KIRREL3: variants seen among roughly 807,000 people sequenced by gnomAD.
The protein encoded by KIRREL3 is kin of IRRE-like protein 3.
Under a neutral mutation model 89.7 loss-of-function variants are expected in KIRREL3, and 36 were observed. The ratio of observed to expected loss-of-function variants is 0.40; its 90% CI spans 0.31 to 0.53. KIRREL3 has a LOEUF of 0.53. Ranked by LOEUF, KIRREL3 falls within the 20% of genes least tolerant of loss-of-function variation. The pLI is 0.49. For synonymous variants in KIRREL3, 445 were observed against 441.4 expected, an observed-to-expected ratio of 1.01 and a Z score of -0.10; for missense variants, 864 against 1,056.6, an observed-to-expected ratio of 0.82 and a Z score of 2.53.
chr11:126,730,004 G>A (rs1044050651), intron 1 of KIRREL3, among the ~76,000 whole-genome samples: 1 of 152,024 alleles, frequency 6.6e-6, no homozygotes, highest in Non-Finnish European at 1.5e-5. Flanking sequence ...TTATTTCTGG[G>A]ACACCCTCCT....
At chr11:126,572,771 GGCT>G (rs1212561189) in intron 1 of KIRREL3, among the ~76,000 whole-genome samples, 1 of 152,158 alleles carries the variant, frequency 6.6e-6, no homozygotes, top group African/African-American at 2.4e-5. Flanking sequence ...GCAGGGGCGG[GGCT>G]GCTATTTAGT....
chr11:126,769,138 C>T lies in KIRREL3; in HGVS notation c.56-206226G>A, dbSNP rs1005439657. On this transcript the variant is annotated intron_variant, in intron 1 of 16. Coordinates refer to ENST00000525144, the MANE Select transcript of KIRREL3 (RefSeq NM_032531.4). This position sits in a 1 kb window ranked among gnomAD's most constrained non-coding sequence, Gnocchi z 4.3. Reference sequence around the variant, plus strand: ...GTATCTCTTCCTCTGTGAGGCTTCCCCTCTTCCCACAGGTCCCATCTCTGC... The same window carrying T: ...GTATCTCTTCCTCTGTGAGGCTTCCTCTCTTCCCACAGGTCCCATCTCTGC... Among the ~76,000 whole-genome samples the T allele has an allele frequency of 1.2e-4, 18 of 152,150 alleles. No individual in the cohort carries two copies. Among genetic ancestry groups the T allele is most frequent in the Non-Finnish European group, 2.2e-4 (15 of 68,016 alleles).
rs1306661020 is a variant in KIRREL3 at position 126,663,166 on chromosome 11, T to C, written c.56-100254A>G. Among the ~76,000 whole-genome samples the C allele has an allele frequency of 2.7e-5, 4 of 149,830 alleles. No homozygotes were observed. In the South Asian group the frequency reaches 6.4e-4, roughly 24 times the overall value. ...GCAGGAGAGGGATGTGGGGGAGGTT[T>C]TGATATCATGTCTGGCTTTTTTTTT... On this transcript the variant is annotated intron_variant, in intron 1 of 16. Transcript: ENST00000525144.
At chr11:126,456,516 C>A in intron 6 of KIRREL3, 62 bp from the exon 7 acceptor site, 1 of 1,122,620 alleles carries the variant, frequency 8.9e-7, no homozygotes, top group Non-Finnish European at 1.3e-6. Flanking sequence ...AGATCCTGGG[C>A]GACATGGAGG....
At chr11:127,001,223 C>G (rs967806438), upstream of KIRREL3, 1 of 141,258 alleles carries the variant, frequency 7.1e-6, no homozygotes. Context: ...AGGACTTGGC[C>G]AATGTGTGCA....
chr11:126,952,614 G>A (rs1022714338), intron 1 of KIRREL3, among the ~76,000 whole-genome samples: 1 of 152,186 alleles, frequency 6.6e-6, no homozygotes, highest in African/African-American at 2.4e-5. Context: ...TGTTGCCATT[G>A]CTTTTGGTGT....
rs117281159 is a variant in KIRREL3, at chr11:126,750,275, C to A, written c.56-187363G>T. On this transcript the variant is annotated intron_variant, in intron 1 of 16. Transcript: ENST00000525144. This position sits in a 1 kb window ranked among gnomAD's most constrained non-coding sequence, Gnocchi z 4.2. ...GACTTCTACTATGGTACTTCCTTCT[C>A]CGTAGCCACCCCATTGAACACATTT... Among the ~76,000 whole-genome samples, 494 of 152,276 alleles carry A rather than the reference C, an allele frequency of 3.2e-3. 8 individuals are homozygous for A. The highest frequency in any genetic ancestry group is 0.021 in the Admixed American group (314 of 15,284).
Position 126,664,169 on chromosome 11 carries a change from C to T in KIRREL3, c.56-101257G>A, listed in dbSNP as rs554461139. 1.4e-4 allele frequency among the ~76,000 whole-genome samples: 22 copies of T among 152,274 alleles called. No homozygotes were observed. In the South Asian group the frequency reaches 4.6e-3, roughly 32 times the overall value. ...GTTGAATGGGAATATCCATAATGCA[C>T]CTCCTATCCTCTATTACCATTCTGA... is the stretch of plus-strand genomic sequence containing the variant. On this transcript the variant is annotated intron_variant, in intron 1 of 16. Coordinates refer to ENST00000525144, the MANE Select transcript of KIRREL3 (RefSeq NM_032531.4). This position sits in a 1 kb window ranked among gnomAD's most constrained non-coding sequence, Gnocchi z 5.4.
chr11:126,715,828 C>T lies in KIRREL3; in HGVS notation c.56-152916G>A, dbSNP rs1947934762. 2.0e-5 allele frequency among the ~76,000 whole-genome samples: 3 copies of T among 152,158 alleles called. No homozygotes were observed. In the South Asian group the frequency reaches 6.2e-4, roughly 32 times the overall value. Reference sequence around the variant, plus strand: ...CACGGTTGCAGAGAGGCCAGTGTTCCACCGTCAAGAGCGCAGAAAAGCCCT... The same window carrying T: ...CACGGTTGCAGAGAGGCCAGTGTTCTACCGTCAAGAGCGCAGAAAAGCCCT... On this transcript the variant is annotated intron_variant, in intron 1 of 16. Coordinates refer to ENST00000525144, the MANE Select transcript of KIRREL3 (RefSeq NM_032531.4). This position sits in a 1 kb window ranked among gnomAD's most constrained non-coding sequence, Gnocchi z 4.4.
In KIRREL3 at chr11:126,912,320, C is replaced by T. The variant is rs1198049667; in HGVS notation, c.55+88135G>A. On this transcript the variant is annotated intron_variant, in intron 1 of 16. Transcript: ENST00000525144. This position sits in a 1 kb window ranked among gnomAD's most constrained non-coding sequence, Gnocchi z 4.7. ...CCTGCAGGTGCTGCCCACATGTGCCCTGGGCTGGTCCTCCCTCAGCTCCCT... is the reference window on the plus strand; with the variant it reads ...CCTGCAGGTGCTGCCCACATGTGCCTTGGGCTGGTCCTCCCTCAGCTCCCT... Among the ~76,000 whole-genome samples, 1 of 152,182 alleles carries T rather than the reference C, an allele frequency of 6.6e-6. No homozygotes were observed. Among genetic ancestry groups the T allele is most frequent in the African/African-American group, 2.4e-5 (1 of 41,444 alleles).
At chr11:126,445,318 A>G (rs3802821) in intron 9 of KIRREL3, among the ~76,000 whole-genome samples, 95,137 of 152,134 alleles carry the variant, frequency 0.63, 30,681 homozygotes, top group Middle Eastern at 0.73. Flanking sequence ...CAGAGAGGCC[A>G]CCCCGTGTGA....
rs745333886 is a variant in KIRREL3 at position 126,786,263 on chromosome 11, TA to T, written c.55+214191del. On this transcript the variant is annotated intron_variant, in intron 1 of 16. Coordinates refer to ENST00000525144, the MANE Select transcript of KIRREL3 (RefSeq NM_032531.4). ...TGAGTAAAGATAATTACTACCATGTTAAAATATGCATAAGAAAAAGACTCAA... is the reference window on the plus strand; with the variant it reads ...TGAGTAAAGATAATTACTACCATGTTAAATATGCATAAGAAAAAGACTCAA... Among the ~76,000 whole-genome samples the T allele has an allele frequency of 2.0e-4, 30 of 152,344 alleles. No individual in the cohort carries two copies. The East Asian group carries it at 5.2e-3, about 26-fold the overall frequency.
intron 2 of KIRREL3, among the ~76,000 whole-genome samples, chr11:126,545,102 T>A (rs774173298): frequency 3.9e-5 from 6 of 152,242 alleles, no homozygotes; most frequent in Non-Finnish European, 8.8e-5. Context: ...GTCATTGTGG[T>A]GTTTATTTGT....
rs1333503677 is a variant in KIRREL3 at position 126,734,670 on chromosome 11, A to T, written c.56-171758T>A. Reference sequence around the variant, plus strand: ...AGTGAAACTCTGTCTCAAAAGAAAAAAAAAAAGAAATTTAGTATTCTATGT... The same window carrying T: ...AGTGAAACTCTGTCTCAAAAGAAAATAAAAAAGAAATTTAGTATTCTATGT... On this transcript the variant is annotated intron_variant, in intron 1 of 16. Transcript: ENST00000525144. This position sits in a 1 kb window ranked among gnomAD's most constrained non-coding sequence, Gnocchi z 5.9. Among the ~76,000 whole-genome samples, 1 of 152,158 alleles carries T rather than the reference A, an allele frequency of 6.6e-6. No homozygotes were observed. The highest frequency in any genetic ancestry group is 1.5e-5 in the Non-Finnish European group (1 of 68,032).
chr11:126,567,612 A>T (rs1244589572), intron 1 of KIRREL3, among the ~76,000 whole-genome samples: 1 of 152,240 alleles, frequency 6.6e-6, no homozygotes, highest in Admixed American at 6.5e-5. Context: ...AGGGAGCAGC[A>T]TCACACTCTG....
chr11:126,916,860 T>C (rs780289315), intron 1 of KIRREL3, among the ~76,000 whole-genome samples: 1 of 152,196 alleles, frequency 6.6e-6, no homozygotes, highest in Non-Finnish European at 1.5e-5. Context: ...TAGTCCAGTG[T>C]CCCAGACTCT....
intron 1 of KIRREL3, among the ~76,000 whole-genome samples, chr11:126,950,071 A>T (rs1591371779): frequency 6.6e-6 from 1 of 152,092 alleles, no homozygotes; most frequent in Non-Finnish European, 1.5e-5. Flanking sequence ...ATCACTTTCC[A>T]CCCTTAAAAT....
chr11:126,974,978 T>C (rs1423085215), intron 1 of KIRREL3, among the ~76,000 whole-genome samples: 2 of 152,142 alleles, frequency 1.3e-5, no homozygotes, highest in African/African-American at 4.8e-5. Flanking sequence ...CAGTGGCTAA[T>C]TTTTGTATTT....
rs1717440553 is a variant in KIRREL3, at chr11:126,628,822, C to T, written c.56-65910G>A. On this transcript the variant is annotated intron_variant, in intron 1 of 16. Coordinates refer to ENST00000525144, the MANE Select transcript of KIRREL3 (RefSeq NM_032531.4). This position sits in a 1 kb window ranked among gnomAD's most constrained non-coding sequence, Gnocchi z 5.2. Reference sequence around the variant, plus strand: ...CTACTGCCCCCTCCGCTCGCTCTGCCTGTGCAGGGTCCATCCTGAGGAGAG... The same window carrying T: ...CTACTGCCCCCTCCGCTCGCTCTGCTTGTGCAGGGTCCATCCTGAGGAGAG... Among the ~76,000 whole-genome samples, 1 of 152,188 alleles carries T rather than the reference C, an allele frequency of 6.6e-6. No homozygotes were observed. Among genetic ancestry groups the T allele is most frequent in the African/African-American group, 2.4e-5 (1 of 41,444 alleles).
Sources: gnomAD v4.1 joint callset for allele counts (sites outside exome capture counted in the v4.1 genomes callset) on GRCh38, gnomAD v4.1.1 for gene constraint, Gnocchi (gnomAD v3.1) non-coding constraint, MANE v1.5 for transcripts, NCBI Gene and HGNC (gene_info 2026-07-23, HGNC 2026-07-21) for gene names.